Variants in PHACTR2 observed in about 807,000 individuals in gnomAD.
PHACTR2 encodes phosphatase and actin regulator 2.
A neutral mutation model predicts 76.0 loss-of-function variants in PHACTR2; 30 were observed. That is an observed-to-expected ratio of 0.39 (90% CI 0.30 to 0.54). The LOEUF (loss-of-function observed/expected upper bound fraction) is 0.54. Ranked by LOEUF, PHACTR2 falls within the 20% of genes least tolerant of loss-of-function variation. PHACTR2 has a pLI of 0.61. For synonymous variants in PHACTR2, 292 were observed against 292.5 expected (o/e 1.00, Z 0.02); for missense variants, 696 against 781.1 (o/e 0.89, Z 1.30).
chr6:143,814,905 A>G (rs988617632), intron 12 of PHACTR2, among the ~76,000 whole-genome samples: 12 of 152,116 alleles, frequency 7.9e-5, no homozygotes, highest in East Asian at 3.9e-4. Flanking sequence ...GCCGGCCCAT[A>G]TAAGTATTTT....
chr6:143,632,001 A>G (rs561440185), intron 1 of PHACTR2, among the ~76,000 whole-genome samples: 56 of 152,352 alleles, frequency 3.7e-4, no homozygotes, highest in African/African-American at 1.3e-3. Flanking sequence ...GGGCTAAGCC[A>G]GAAATGCACT....
At chr6:143,747,513 T>C (rs1393045075) in intron 2 of PHACTR2, among the ~76,000 whole-genome samples, 1 of 152,166 alleles carries the variant, frequency 6.6e-6, no homozygotes, top group Non-Finnish European at 1.5e-5. Flanking sequence ...CCTGCTCCCT[T>C]TGGATGTGTC....
At chr6:143,644,467 C>CAAA (rs373621895) in intron 1 of PHACTR2, among the ~76,000 whole-genome samples, 16,550 of 111,204 alleles carry the variant, frequency 0.15, 1,685 homozygotes, top group East Asian at 0.28. Context: ...GACTCCATCT[C>CAAA]AAAAAAAAAA....
chr6:143,593,581 G>T (rs929650071), intron 1 of PHACTR2, among the ~76,000 whole-genome samples: 1 of 152,104 alleles, frequency 6.6e-6, no homozygotes, highest in Non-Finnish European at 1.5e-5. Context: ...AGAAACTTTG[G>T]TTAAGCAATT....
chr6:143,772,233 T>A lies in PHACTR2; in HGVS notation c.1233-25T>A. 1 of 1,578,572 alleles carries A rather than the reference T, an allele frequency of 6.3e-7. No individual in the cohort carries two copies. The highest frequency in any genetic ancestry group is 2.2e-5 in the East Asian group (1 of 44,670). Reference sequence around the variant, plus strand: ...AGGGTTGCTCTGAGCTTCACATCACTCCCATGCTTTTCTGCCTTTAACAGT... The same window carrying A: ...AGGGTTGCTCTGAGCTTCACATCACACCCATGCTTTTCTGCCTTTAACAGT... On this transcript the variant is annotated intron_variant, in intron 6 of 12. Transcript: ENST00000440869. This position sits in a 1 kb window ranked among gnomAD's most constrained non-coding sequence, Gnocchi z 5.4.
intron 1 of PHACTR2, among the ~76,000 whole-genome samples, chr6:143,703,876 G>C (rs769513600): frequency 6.6e-6 from 1 of 152,066 alleles, no homozygotes; most frequent in Non-Finnish European, 1.5e-5. Flanking sequence ...TAGATATTTA[G>C]ATCGTTTCTT....
At chr6:143,690,832 G>T (rs1451227143) in intron 1 of PHACTR2, among the ~76,000 whole-genome samples, 1 of 152,160 alleles carries the variant, frequency 6.6e-6, no homozygotes. Flanking sequence ...ATAATAATGT[G>T]CTGGCATTTT....
intron 1 of PHACTR2, among the ~76,000 whole-genome samples, chr6:143,622,582 T>A (rs767298551): frequency 7.9e-5 from 12 of 152,214 alleles, no homozygotes; most frequent in Non-Finnish European, 1.2e-4. Flanking sequence ...ATGATGTATA[T>A]AGACCATCTC....
intron 10 of PHACTR2, 108 bp from the exon 11 acceptor site, chr6:143,788,665 A>G (rs749326161): frequency 1.1e-5 from 8 of 717,034 alleles, no homozygotes; most frequent in Admixed American, 2.9e-5. Context: ...TTTGATCTGA[A>G]AGTGACCTTA....
chr6:143,741,518 G>T lies in PHACTR2; in HGVS notation c.215-7467G>T, dbSNP rs76673240. 4.9e-3 allele frequency among the ~76,000 whole-genome samples: 752 copies of T among 152,072 alleles called. 27 individuals carry two copies. The East Asian group carries it at 0.1, about 21-fold the overall frequency. ...AAAACAAAAATAACAATAATAATAA[G>T]AAGAAGAATTGCTTAGCTTATCTTT... On this transcript the variant is annotated intron_variant, in intron 2 of 12. Transcript: ENST00000440869.
chr6:143,797,126 A>G (rs915481178), intron 11 of PHACTR2, among the ~76,000 whole-genome samples: 1 of 152,212 alleles, frequency 6.6e-6, no homozygotes, highest in African/African-American at 2.4e-5. Context: ...ATGGTATCTC[A>G]TTCTGGTTTT....
In PHACTR2 at chr6:143,809,597, G is replaced by A. The variant is rs1430396943; in HGVS notation, c.1922+2464G>A. 6.6e-6 allele frequency among the ~76,000 whole-genome samples: 1 copy of A among 151,990 alleles called. No individual in the cohort carries two copies. Among genetic ancestry groups the A allele is most frequent in the Non-Finnish European group, 1.5e-5 (1 of 67,984 alleles). On this transcript the variant is annotated intron_variant, in intron 12 of 12. Transcript: ENST00000440869. This position sits in a 1 kb window ranked among gnomAD's most constrained non-coding sequence, Gnocchi z 4.2. ...ATACAAAATTCTATTAAGTATAAAT[G>A]AAAAACCTTCACTCCTTTCCCAACC...
rs546607338 is a variant in PHACTR2 at position 143,821,212 on chromosome 6, A to T, written c.1923-2462A>T. On this transcript the variant is annotated intron_variant, in intron 12 of 12. Transcript: ENST00000440869. The surrounding 1 kb of genome is among the most constrained non-coding windows in gnomAD (Gnocchi z 5.2). ...AGGGATAGACTAAGAACAGAACTCA[A>T]AGTGGACACATTCCTGCTTTAGTAA... Among the ~76,000 whole-genome samples, 4 of 152,356 alleles carry T rather than the reference A, an allele frequency of 2.6e-5. No individual in the cohort carries two copies. Among genetic ancestry groups the T allele is most frequent in the African/African-American group, 9.6e-5 (4 of 41,594 alleles).
At chr6:143,669,821 C>CT (rs1255263166) in intron 1 of PHACTR2, among the ~76,000 whole-genome samples, 2 of 151,904 alleles carry the variant, frequency 1.3e-5, no homozygotes, top group Non-Finnish European at 2.9e-5. Flanking sequence ...CAATCTGTGT[C>CT]TTTTAATTGG....
chr6:143,638,543 CAAA>C (rs775356198), intron 1 of PHACTR2, among the ~76,000 whole-genome samples: 4 of 126,262 alleles, frequency 3.2e-5, no homozygotes, highest in Admixed American at 1.7e-4. Flanking sequence ...GACCTTGTCT[CAAA>C]AAAAAAAAAA....
At chr6:143,668,736 T>G (rs1446878667) in intron 1 of PHACTR2, among the ~76,000 whole-genome samples, 1 of 152,210 alleles carries the variant, frequency 6.6e-6, no homozygotes, top group African/African-American at 2.4e-5. Context: ...CTTTATCATT[T>G]TTTATCGTGT....
At position 143,749,070 on chromosome 6, in the gene PHACTR2, G is replaced by A; in HGVS notation, c.295+5G>A. 6.9e-7 allele frequency: 1 copy of A among 1,448,758 alleles called. No individual in the cohort carries two copies. Among genetic ancestry groups the A allele is most frequent in the Middle Eastern group, 1.7e-4 (1 of 5,738 alleles). The allele number at this position is 1,448,758 out of a possible 1,614,324, so 89.7% of individuals were successfully genotyped here. The stretch of plus-strand genomic sequence containing the variant: ...TTAAGGAATTGCCTGATCAAGGTGA[G>A]GAAATTAATCATACATTTTAAATAT... On this transcript the variant is annotated splice_donor_5th_base_variant and intron_variant, in intron 3 of 12. Coordinates refer to ENST00000440869, the MANE Select transcript of PHACTR2 (RefSeq NM_001100164.2).
Position 143,751,501 on chromosome 6 carries a change from T to G in PHACTR2, c.296-2253T>G, listed in dbSNP as rs1024051113. On this transcript the variant is annotated intron_variant, in intron 3 of 12. Transcript: ENST00000440869. This position sits in a 1 kb window ranked among gnomAD's most constrained non-coding sequence, Gnocchi z 5.7. ...CCACTGTGGACTTTTGTCACTTGCCTTTTGGTCATACATGATTTTCTCTTT... is the reference window on the plus strand; with the variant it reads ...CCACTGTGGACTTTTGTCACTTGCCGTTTGGTCATACATGATTTTCTCTTT... 6.6e-6 allele frequency among the ~76,000 whole-genome samples: 1 copy of G among 152,134 alleles called. No homozygotes were observed. The highest frequency in any genetic ancestry group is 6.5e-5 in the Admixed American group (1 of 15,268).
Position 143,556,486 on chromosome 6 carries a change from C to T in PHACTR2, c.217+19279C>T, listed in dbSNP as rs1775176543. The stretch of plus-strand genomic sequence containing the variant: ...AGGCATATAACAAAACCAGAAAGTA[C>T]ATTCATAACTCCGTATGTCAAACTA... On this transcript the variant is annotated intron_variant, in intron 1 of 11. Coordinates refer to the PHACTR2 transcript ENST00000367584. The surrounding 1 kb of genome is among the most constrained non-coding windows in gnomAD (Gnocchi z 4.3). 6.6e-6 allele frequency among the ~76,000 whole-genome samples: 1 copy of T among 152,190 alleles called. No homozygotes were observed. Among genetic ancestry groups the T allele is most frequent in the Non-Finnish European group, 1.5e-5 (1 of 68,040 alleles).
Sources: allele counts gnomAD v4.1 joint callset (sites outside exome capture counted in the v4.1 genomes callset), GRCh38; gene constraint gnomAD v4.1.1; non-coding constraint Gnocchi (gnomAD v3.1); transcripts MANE v1.5; gene names NCBI Gene and HGNC (gene_info 2026-07-23, HGNC 2026-07-21).